CNRIP1: variants seen among roughly 807,000 people sequenced by gnomAD.
CNRIP1 encodes CB1 cannabinoid receptor-interacting protein 1.
CNRIP1 carries 10 observed loss-of-function variants against 15.2 expected under a neutral mutation model. The ratio of observed to expected loss-of-function variants is 0.66; its 90% CI spans 0.41 to 1.12. The LOEUF (loss-of-function observed/expected upper bound fraction) is 1.12. Ranked by LOEUF, CNRIP1 falls within the 50% of genes most tolerant of loss-of-function variation. The pLI is 0.00. For synonymous variants in CNRIP1, 91 were observed against 83.2 expected, an observed-to-expected ratio of 1.09 and a Z score of -0.51; for missense variants, 211 against 214.7, an observed-to-expected ratio of 0.98 and a Z score of 0.11.
intron 2 of CNRIP1, among the ~76,000 whole-genome samples, chr2:68,286,866 G>T (rs962467658): frequency 2.0e-5 from 3 of 152,064 alleles, no homozygotes; most frequent in Non-Finnish European, 4.4e-5. Flanking sequence ...GAGCTTAATA[G>T]CCTCATTTTA....
downstream of CNRIP1, among the ~76,000 whole-genome samples, chr2:68,291,875 T>C (rs1231011479): frequency 1.1e-4 from 7 of 63,306 alleles, no homozygotes; most frequent in African/African-American, 5.3e-4. Context: ...TGAGACTCCA[T>C]CTCAAAAAAA....
At position 68,293,171 on chromosome 2, in the gene CNRIP1, T is replaced by G. The variant is rs748737996; in HGVS notation, c.*691A>C. 7.1e-6 allele frequency: 7 copies of G among 985,504 alleles called. No individual in the cohort carries two copies. The highest frequency in any genetic ancestry group is 8.4e-6 in the Non-Finnish European group (7 of 829,960). 61.0% of individuals were successfully genotyped at this position (985,504 alleles called of 1,614,324 possible). On this transcript the variant is annotated 3_prime_UTR_variant, in exon 3 of 3. Coordinates refer to ENST00000263655, the MANE Select transcript of CNRIP1 (RefSeq NM_015463.3). Reference sequence around the variant, plus strand: ...GGTAACCCTACAACTCCTGTCACTTTAACAATGGTCCACAGCAATGCTTTT... The same window carrying G: ...GGTAACCCTACAACTCCTGTCACTTGAACAATGGTCCACAGCAATGCTTTT...
chr2:68,317,332 A>C, intron 1 of CNRIP1, 25 bp from the exon 2 acceptor site: 4 of 1,611,226 alleles, frequency 2.5e-6, no homozygotes, highest in Non-Finnish European at 3.4e-6. Flanking sequence ...AGTTGACCAC[A>C]TACGGTTGAA....
At chr2:68,296,712 A>G (rs1450126326) in intron 2 of CNRIP1, among the ~76,000 whole-genome samples, 1 of 152,088 alleles carries the variant, frequency 6.6e-6, no homozygotes, top group East Asian at 1.9e-4. Context: ...ATCTCGGCTC[A>G]CTGCAACCTC....
At chr2:68,292,845 G>A (rs933316070), downstream of CNRIP1, among the ~76,000 whole-genome samples, 1 of 152,202 alleles carries the variant, frequency 6.6e-6, no homozygotes, top group Non-Finnish European at 1.5e-5. Flanking sequence ...CTTGGCTGGA[G>A]CAATCCTGCT....
intron 2 of CNRIP1, among the ~76,000 whole-genome samples, chr2:68,299,922 T>C (rs775183865): frequency 6.6e-6 from 1 of 152,214 alleles, no homozygotes; most frequent in South Asian, 2.1e-4. Flanking sequence ...CAAGATCACG[T>C]AGAAATCCAT....
chr2:68,287,387 G>A (rs891078196), intron 2 of CNRIP1, among the ~76,000 whole-genome samples: 10 of 152,196 alleles, frequency 6.6e-5, no homozygotes, highest in African/African-American at 2.4e-4. Context: ...ACAGATAAGG[G>A]ATAAAGCAAA....
chr2:68,318,297 C>T (rs550670377), intron 1 of CNRIP1, among the ~76,000 whole-genome samples: 1 of 152,254 alleles, frequency 6.6e-6, no homozygotes, highest in African/African-American at 2.4e-5. Flanking sequence ...AGTCCTTCCA[C>T]CCCCGCAATA....
In CNRIP1 at chr2:68,319,485, A is replaced by C. The variant is rs1321792760; in HGVS notation, c.-85T>G. On this transcript the variant is annotated 5_prime_UTR_variant, in exon 1 of 3. Transcript: ENST00000263655. ...CGAGTGGCTGGAGCGCGAGGGGCGG[A>C]GAGGAAGCGCGGGGAGGGTGAGGGA... The C allele has an allele frequency of 1.1e-5, 15 of 1,359,138 alleles. No individual in the cohort carries two copies. The highest frequency in any genetic ancestry group is 3.0e-5 in the African/African-American group (2 of 66,272). 84.2% of individuals were successfully genotyped at this position (1,359,138 alleles called of 1,614,324 possible).
Sources: allele counts gnomAD v4.1 joint callset (sites outside exome capture counted in the v4.1 genomes callset), GRCh38; gene constraint gnomAD v4.1.1; transcripts MANE v1.5; gene names NCBI Gene and HGNC (gene_info 2026-07-23, HGNC 2026-07-21).